AP3S1: variants seen among roughly 807,000 people sequenced by gnomAD.
The protein encoded by AP3S1 is adaptor related protein complex 3 subunit sigma 1.
AP3S1 carries 12 observed loss-of-function variants against 21.3 expected under a neutral mutation model. That is an observed-to-expected ratio of 0.56 (90% CI 0.36 to 0.91). The LOEUF (loss-of-function observed/expected upper bound fraction) is 0.91. Among genes scored for constraint, AP3S1 ranks in the 40% least tolerant of loss-of-function variants. The pLI is 0.01. For missense variants in AP3S1, 116 were observed against 225.0 expected, an observed-to-expected ratio of 0.52 and a Z score of 3.10; for synonymous variants, 48 against 78.4, an observed-to-expected ratio of 0.61 and a Z score of 2.05.
At chr5:115,860,716 T>C (rs1763112276) in intron 1 of AP3S1, among the ~76,000 whole-genome samples, 1 of 152,206 alleles carries the variant, frequency 6.6e-6, no homozygotes, top group South Asian at 2.1e-4. Flanking sequence ...GATTTTGTTG[T>C]TGTTGTCTTC....
chr5:115,909,981 A>G lies in AP3S1; in HGVS notation c.454-3381A>G, dbSNP rs148139693. Among the ~76,000 whole-genome samples the G allele has an allele frequency of 9.8e-5, 15 of 152,338 alleles. 1 individual carries two copies. In the East Asian group the frequency reaches 2.7e-3, roughly 27 times the overall value. On this transcript the variant is annotated intron_variant, in intron 5 of 5. Coordinates refer to ENST00000316788, the MANE Select transcript of AP3S1 (RefSeq NM_001284.4). Reference sequence around the variant, plus strand: ...AGTATAATGCAATAAAAGTCATGTGAGGCCAGGTGCACTGGCTCACGCCTA... The same window carrying G: ...AGTATAATGCAATAAAAGTCATGTGGGGCCAGGTGCACTGGCTCACGCCTA...
chr5:115,887,850 G>T (rs973049773), intron 3 of AP3S1, among the ~76,000 whole-genome samples: 36 of 152,020 alleles, frequency 2.4e-4, no homozygotes, highest in African/African-American at 7.7e-4. Context: ...TTGTGGCCTG[G>T]ATGTATAGGT....
At chr5:115,845,947 T>G (rs1762031218) in intron 1 of AP3S1, among the ~76,000 whole-genome samples, 1 of 150,876 alleles carries the variant, frequency 6.6e-6, no homozygotes, top group African/African-American at 2.4e-5. Flanking sequence ...CTGCACAAAT[T>G]CAAATGTTTT....
At chr5:115,901,392 C>CTTTTTTT (rs35793318) in intron 4 of AP3S1, among the ~76,000 whole-genome samples, 3 of 111,644 alleles carry the variant, frequency 2.7e-5, no homozygotes, top group East Asian at 2.7e-4. Context: ...TGCCTATATT[C>CTTTTTTT]TTTTTTTTTT....
intron 5 of AP3S1, 30 bp downstream of exon 5, chr5:115,903,022 G>C (rs1416501584): frequency 5.2e-6 from 4 of 765,504 alleles, no homozygotes; most frequent in Admixed American, 3.4e-5. Context: ...TAGTTAAGAA[G>C]GTTCTAAGCA....
chr5:115,881,507 T>A (rs543433882), intron 3 of AP3S1, among the ~76,000 whole-genome samples: 50 of 152,236 alleles, frequency 3.3e-4, no homozygotes, highest in Admixed American at 5.2e-4. Flanking sequence ...TCTTTAAGAA[T>A]GTTGAATATT....
rs536909216 is a variant in AP3S1, at chr5:115,905,930, C to T, written c.453+2938C>T. Among the ~76,000 whole-genome samples the T allele has an allele frequency of 2.6e-5, 4 of 152,248 alleles. No homozygotes were observed. The South Asian group carries it at 8.3e-4, about 32-fold the overall frequency. The stretch of plus-strand genomic sequence containing the variant: ...AGCACTTTGGGATCACTCAGGTGAT[C>T]TGCTCACCTGAGGTCAGGAGTTTGA... On this transcript the variant is annotated intron_variant, in intron 5 of 5. Coordinates refer to ENST00000316788, the MANE Select transcript of AP3S1 (RefSeq NM_001284.4).
chr5:115,900,423 C>T (rs145043281), intron 4 of AP3S1, among the ~76,000 whole-genome samples: 18 of 152,296 alleles, frequency 1.2e-4, no homozygotes, highest in East Asian at 3.9e-4. Flanking sequence ...TGACCTACCC[C>T]GTCATAGGCT....
At chr5:115,895,848 T>C (rs1215825724) in intron 4 of AP3S1, among the ~76,000 whole-genome samples, 1 of 152,116 alleles carries the variant, frequency 6.6e-6, no homozygotes, top group Non-Finnish European at 1.5e-5. Context: ...GGAAAAACGC[T>C]AAGATTAGGT....
chr5:115,853,065 G>C, intron 1 of AP3S1: 1 of 448,142 alleles, frequency 2.2e-6, no homozygotes, highest in Non-Finnish European at 4.5e-6. Context: ...ATTCTAAAGT[G>C]ACTGTACCAT....
chr5:115,856,690 T>G (rs1432656774), intron 1 of AP3S1, among the ~76,000 whole-genome samples: 1 of 152,186 alleles, frequency 6.6e-6, no homozygotes, highest in Admixed American at 6.5e-5. Context: ...CCCAGGCTGG[T>G]ATGAAATTCC....
chr5:115,908,869 T>C (rs1751871772), intron 5 of AP3S1: 2 of 517,108 alleles, frequency 3.9e-6, no homozygotes, highest in Non-Finnish European at 5.0e-6. Context: ...ATTTTCTTTT[T>C]TGCTCAAAAA....
chr5:115,849,286 T>A (rs927054873), intron 1 of AP3S1, among the ~76,000 whole-genome samples: 53 of 152,134 alleles, frequency 3.5e-4, no homozygotes, highest in Admixed American at 3.5e-3. Context: ...GGAAAGCCTA[T>A]ATTAGATAGG....
At chr5:115,904,347 T>C (rs1467998952) in intron 5 of AP3S1, among the ~76,000 whole-genome samples, 3 of 152,242 alleles carry the variant, frequency 2.0e-5, no homozygotes, top group Non-Finnish European at 2.9e-5. Flanking sequence ...AGGATCAGTT[T>C]AACTCAATTC....
chr5:115,852,733 T>A (rs1438739297), intron 1 of AP3S1, among the ~76,000 whole-genome samples: 1 of 152,162 alleles, frequency 6.6e-6, no homozygotes, highest in African/African-American at 2.4e-5. Flanking sequence ...GTCTTGTGAT[T>A]GGCTTCTTTT....
intron 1 of AP3S1, among the ~76,000 whole-genome samples, chr5:115,847,497 A>G (rs771081757): frequency 1.3e-5 from 2 of 152,032 alleles, no homozygotes; most frequent in African/African-American, 2.4e-5. Flanking sequence ...GCACACACCT[A>G]TAGTCTTAGC....
chr5:115,912,590 A>T (rs1752191813), intron 5 of AP3S1, among the ~76,000 whole-genome samples: 1 of 152,042 alleles, frequency 6.6e-6, no homozygotes, highest in South Asian at 2.1e-4. Context: ...TATATTTACT[A>T]CCTCTTGCAT....
intron 1 of AP3S1, among the ~76,000 whole-genome samples, chr5:115,848,300 C>G (rs1762206446): frequency 6.6e-6 from 1 of 151,908 alleles, no homozygotes; most frequent in African/African-American, 2.4e-5. Context: ...CTTTATTTTT[C>G]TTTTCAGAAT....
At chr5:115,859,553 G>A (rs1763023713) in intron 1 of AP3S1, among the ~76,000 whole-genome samples, 1 of 152,160 alleles carries the variant, frequency 6.6e-6, no homozygotes, top group East Asian at 1.9e-4. Context: ...GCAGAATTAG[G>A]AAGAGATACA....
Sources: gnomAD v4.1 joint callset for allele counts (sites outside exome capture counted in the v4.1 genomes callset) on GRCh38, gnomAD v4.1.1 for gene constraint, MANE v1.5 for transcripts, NCBI Gene and HGNC (gene_info 2026-07-23, HGNC 2026-07-21) for gene names.